The following ANKRD33B variants were observed in gnomAD, a reference collection of about 807,000 sequenced individuals.
The protein encoded by ANKRD33B is ankyrin repeat domain-containing protein 33B.
A neutral mutation model predicts 21.5 loss-of-function variants in ANKRD33B; 6 were observed. The observed-to-expected ratio is 0.28, with a 90% CI of 0.15 to 0.55. The LOEUF is 0.55. ANKRD33B is among the 20% of genes least tolerant of loss of function. The pLI, the probability that ANKRD33B is intolerant of heterozygous loss-of-function variation, is 0.94. For synonymous variants in ANKRD33B, 347 were observed against 342.4 expected, an observed-to-expected ratio of 1.01 and a Z score of -0.15; for missense variants, 698 against 747.2, an observed-to-expected ratio of 0.93 and a Z score of 0.77.
intron 1 of ANKRD33B, among the ~76,000 whole-genome samples, chr5:10,577,290 T>C (rs7732344): frequency 0.97 from 147,969 of 152,236 alleles, 72,072 homozygotes; most frequent in East Asian, 1. Context: ...CCACCATGCC[T>C]GGCTAATTTT....
At chr5:10,603,512 G>A (rs780283162) in intron 1 of ANKRD33B, among the ~76,000 whole-genome samples, 9 of 151,810 alleles carry the variant, frequency 5.9e-5, no homozygotes, top group African/African-American at 1.9e-4. Context: ...ATCCACCTGC[G>A]TTGGCCTCCC....
At chr5:10,611,031 G>A (rs1052518256) in intron 1 of ANKRD33B, among the ~76,000 whole-genome samples, 19 of 152,208 alleles carry the variant, frequency 1.2e-4, no homozygotes, top group African/African-American at 4.6e-4. Flanking sequence ...GCAGCAGAGC[G>A]AAACTCCTTC....
chr5:10,565,767 T>G (rs1735034951), intron 1 of ANKRD33B, among the ~76,000 whole-genome samples: 2 of 152,262 alleles, frequency 1.3e-5, no homozygotes, highest in African/African-American at 4.8e-5. Flanking sequence ...AAGTTCCCCG[T>G]AGTCTGTGCT....
At chr5:10,588,735 G>T (rs1311094227) in intron 1 of ANKRD33B, among the ~76,000 whole-genome samples, 1 of 152,190 alleles carries the variant, frequency 6.6e-6, no homozygotes, top group African/African-American at 2.4e-5. Flanking sequence ...ATCAGCCTGA[G>T]TCTTGCAAGG....
chr5:10,612,731 ATTC>A (rs1736199694), intron 1 of ANKRD33B, among the ~76,000 whole-genome samples: 1 of 152,138 alleles, frequency 6.6e-6, no homozygotes, highest in African/African-American at 2.4e-5. Context: ...CCAGCGCAAG[ATTC>A]TTTTCTTAGA....
intron 3 of ANKRD33B, among the ~76,000 whole-genome samples, chr5:10,649,002 A>C (rs1289346390): frequency 6.6e-6 from 1 of 152,110 alleles, no homozygotes; most frequent in African/African-American, 2.4e-5. Context: ...AGCCCCAGCT[A>C]CTCGGGAGGC....
rs997991768 is a variant in ANKRD33B, at chr5:10,644,216, T to C, written c.638-5050T>C. 7.9e-5 allele frequency among the ~76,000 whole-genome samples: 12 copies of C among 152,332 alleles called. No homozygotes were observed. In the South Asian group the frequency reaches 1.0e-3, roughly 13 times the overall value. On this transcript the variant is annotated intron_variant, in intron 3 of 3. Transcript: ENST00000296657. ...TGACACTTCAGATTGTAATAAAAAG[T>C]ATAACCGGGTTCTGAGAGGCTGATC...
intron 1 of ANKRD33B, among the ~76,000 whole-genome samples, chr5:10,609,033 G>A (rs1302367533): frequency 6.6e-6 from 1 of 152,206 alleles, no homozygotes; most frequent in Non-Finnish European, 1.5e-5. Flanking sequence ...GGGCTGTATT[G>A]CCCAGTAGTG....
At chr5:10,565,215 G>A (rs931508509) in intron 1 of ANKRD33B, among the ~76,000 whole-genome samples, 5 of 152,148 alleles carry the variant, frequency 3.3e-5, no homozygotes, top group Non-Finnish European at 7.4e-5. Flanking sequence ...CTTTCCCCAG[G>A]TCCCTGGCAG....
chr5:10,620,262 T>C (rs1579739899), intron 2 of ANKRD33B, among the ~76,000 whole-genome samples: 1 of 151,504 alleles, frequency 6.6e-6, no homozygotes, highest in Admixed American at 6.6e-5. Context: ...GAGCTGGGGG[T>C]CTAGGATGGC....
chr5:10,580,162 C>T (rs1156707574), intron 1 of ANKRD33B, among the ~76,000 whole-genome samples: 2 of 152,224 alleles, frequency 1.3e-5, no homozygotes, highest in East Asian at 3.8e-4. Flanking sequence ...CTGCCACATG[C>T]AAGACATATG....
At chr5:10,578,845 AT>A (rs751393892) in intron 1 of ANKRD33B, among the ~76,000 whole-genome samples, 6 of 152,086 alleles carry the variant, frequency 3.9e-5, no homozygotes, top group African/African-American at 7.2e-5. Flanking sequence ...TCTACTAATA[AT>A]TTTATTGGGT....
chr5:10,564,775 C>T lies in ANKRD33B; in HGVS notation c.308C>T (p.Thr103Met). ...ACANNVGLLR[T>M]LVRRGVSVEE... is the part of the protein sequence containing the mutation. ...GCCAACAACGTGGGGCTGCTGCGGACGCTGGTGCGGCGCGGGGTGAGCGTC... is the reference window on the plus strand; with the variant it reads ...GCCAACAACGTGGGGCTGCTGCGGATGCTGGTGCGGCGCGGGGTGAGCGTC... The change falls in exon 1 of 4, where the codon ACG becomes ATG. Residue 103 changes from threonine (T) to methionine (M), a missense_variant. Transcript: ENST00000296657. 2 of 1,525,968 alleles carry T rather than the reference C, an allele frequency of 1.3e-6. No homozygotes were observed. Among genetic ancestry groups the T allele is most frequent in the South Asian group, 1.2e-5 (1 of 83,664 alleles). The allele number at this position is 1,525,968 out of a possible 1,614,324, so 94.5% of individuals were successfully genotyped here.
At chr5:10,648,333 C>T (rs1468510003) in intron 3 of ANKRD33B, among the ~76,000 whole-genome samples, 1 of 152,248 alleles carries the variant, frequency 6.6e-6, no homozygotes, top group Non-Finnish European at 1.5e-5. Context: ...TGGGGTGCCA[C>T]CACTTTGCAA....
At chr5:10,634,164 G>T (rs926733752) in intron 2 of ANKRD33B, among the ~76,000 whole-genome samples, 5 of 152,214 alleles carry the variant, frequency 3.3e-5, no homozygotes. Flanking sequence ...ACTTCCAAAA[G>T]ACACCCGGAT....
At chr5:10,630,045 C>T (rs1040393284) in intron 2 of ANKRD33B, among the ~76,000 whole-genome samples, 4 of 145,230 alleles carry the variant, frequency 2.8e-5, no homozygotes, top group South Asian at 2.3e-4. Flanking sequence ...TGGAGGGTGG[C>T]GGGAACATGA....
chr5:10,644,764 A>G (rs2126607183), intron 3 of ANKRD33B, among the ~76,000 whole-genome samples: 1 of 152,348 alleles, frequency 6.6e-6, no homozygotes, highest in Non-Finnish European at 1.5e-5. Flanking sequence ...GTTTGAAGTC[A>G]TTAGCCAGAG....
chr5:10,604,453 A>G (rs1579728740), intron 1 of ANKRD33B, among the ~76,000 whole-genome samples: 1 of 150,902 alleles, frequency 6.6e-6, no homozygotes, highest in East Asian at 1.9e-4. Flanking sequence ...TCAGCCTCCT[A>G]AAGTGCTGGG....
intron 2 of ANKRD33B, among the ~76,000 whole-genome samples, chr5:10,620,277 G>A (rs57543616): frequency 0.019 from 2,912 of 152,142 alleles, 92 homozygotes; most frequent in African/African-American, 0.067. Flanking sequence ...GATGGCTTTG[G>A]GCTTTGGGAC....
Sources: allele counts gnomAD v4.1 joint callset (sites outside exome capture counted in the v4.1 genomes callset), GRCh38; gene constraint gnomAD v4.1.1; transcripts MANE v1.5; gene names NCBI Gene and HGNC (gene_info 2026-07-23, HGNC 2026-07-21).